FAM228B: variants seen among roughly 807,000 people sequenced by gnomAD.
FAM228B encodes the protein protein FAM228B.
FAM228B carries 38 observed loss-of-function variants against 42.6 expected under a neutral mutation model. The observed-to-expected ratio is 0.89, with a 90% confidence interval of 0.69 to 1.17. FAM228B has a LOEUF of 1.17. Ranked by LOEUF, FAM228B falls within the 50% of genes most tolerant of loss-of-function variation. The pLI, the probability that FAM228B is intolerant of heterozygous loss-of-function variation, is 0.00. For missense variants in FAM228B, 344 were observed against 367.3 expected (o/e 0.94, Z 0.52); for synonymous variants, 109 against 122.3 (o/e 0.89, Z 0.72).
intron 5 of FAM228B, among the ~76,000 whole-genome samples, chr2:24,145,131 G>A (rs936847220): frequency 1.3e-5 from 2 of 152,158 alleles, no homozygotes; most frequent in African/African-American, 4.8e-5. Context: ...GCCGACCGCA[G>A]CCACTGCATG....
intron 4 of FAM228B, 31 bp downstream of exon 4, chr2:24,138,131 G>T (rs1666650500): frequency 6.8e-7 from 1 of 1,463,296 alleles, no homozygotes; most frequent in Non-Finnish European, 9.2e-7. Context: ...GCTTTTTTCA[G>T]TTGATTTAGA....
chr2:24,123,794 T>C (rs1211354945), intron 1 of FAM228B, among the ~76,000 whole-genome samples: 1 of 151,300 alleles, frequency 6.6e-6, no homozygotes, highest in Non-Finnish European at 1.5e-5. Flanking sequence ...GCCTAGTGGG[T>C]GGGAGGAAGG....
intron 10 of FAM228B, among the ~76,000 whole-genome samples, chr2:24,168,504 G>A (rs962968460): frequency 2.0e-5 from 3 of 152,174 alleles, no homozygotes; most frequent in Non-Finnish European, 4.4e-5. Flanking sequence ...AGGCCTAACT[G>A]CTGATTTTCA....
At chr2:24,147,279 T>C (rs1666918992) in intron 7 of FAM228B, among the ~76,000 whole-genome samples, 193 bp downstream of exon 7, 1 of 152,100 alleles carries the variant, frequency 6.6e-6, no homozygotes, top group East Asian at 1.9e-4. Context: ...CTGTATGTGA[T>C]GTTTCTTTTT....
In FAM228B at chr2:24,155,529, A is replaced by ATT. The variant is rs1339609655; in HGVS notation, c.687-5976_687-5975insTT. Among the ~76,000 whole-genome samples the ATT allele has an allele frequency of 2.8e-3, 36 of 12,660 alleles. 1 individual carries two copies. The highest frequency in any genetic ancestry group is 6.8e-3 in the African/African-American group (33 of 4,854). The allele number at this position is 12,660 out of a possible 152,430, so 8.3% of individuals were successfully genotyped here. A position where few individuals can be genotyped will look rare whatever the true frequency, so the allele number is the denominator to read the frequency against. The stretch of plus-strand genomic sequence containing the variant: ...CATATATATATATATATATATATAT[A>ATT]TATTTTTTTTTTTTTTTTTTTTTTT... On this transcript the variant is annotated intron_variant, in intron 7 of 10. Transcript: ENST00000615575.
intron 3 of FAM228B, among the ~76,000 whole-genome samples, chr2:24,109,668 C>A (rs982427183): frequency 1.3e-5 from 2 of 152,070 alleles, no homozygotes; most frequent in Non-Finnish European, 2.9e-5. Context: ...TATATGCAGC[C>A]AAAAAGCATA....
chr2:24,141,479 C>T (rs1199490420), intron 5 of FAM228B, among the ~76,000 whole-genome samples: 4 of 152,074 alleles, frequency 2.6e-5, no homozygotes, highest in African/African-American at 9.7e-5. Flanking sequence ...CTCCTGACCT[C>T]GTGATCCACC....
In FAM228B at chr2:24,147,149, A is replaced by G; in HGVS notation, c.686+63A>G. ...GACTTTGAAAATTCTTCAGACTGAT[A>G]TAACATTTTTCATAGTTATGATTTT... On this transcript the variant is annotated intron_variant, in intron 7 of 10. Coordinates refer to ENST00000615575, the MANE Select transcript of FAM228B (RefSeq NM_001145710.2). 4.4e-6 allele frequency: 5 copies of G among 1,132,666 alleles called. No homozygotes were observed. The South Asian group carries it at 5.8e-5, about 13-fold the overall frequency. 70.2% of individuals were successfully genotyped at this position (1,132,666 alleles called of 1,614,324 possible). A position where few individuals can be genotyped will look rare whatever the true frequency, so the allele number is the denominator to read the frequency against.
At chr2:24,083,021 G>A in intron 2 of FAM228B, 1 of 1,614,142 alleles carries the variant, frequency 6.2e-7, no homozygotes, top group Non-Finnish European at 8.5e-7. Flanking sequence ...CCCCACCGGG[G>A]AGCAGAGCCA....
Position 24,151,434 on chromosome 2 carries a change from G to T in FAM228B, c.686+4348G>T, listed in dbSNP as rs1227663270. On this transcript the variant is annotated intron_variant, in intron 7 of 10. Transcript: ENST00000615575. Reference sequence around the variant, plus strand: ...GCCTCCTGAGTAGCTGGGACTACAGGCACCCACCACCACGTCCGGCTAATT... The same window carrying T: ...GCCTCCTGAGTAGCTGGGACTACAGTCACCCACCACCACGTCCGGCTAATT... 2.6e-5 allele frequency among the ~76,000 whole-genome samples: 4 copies of T among 151,366 alleles called. No individual in the cohort carries two copies. The East Asian group carries it at 7.8e-4, about 30-fold the overall frequency.
chr2:24,121,224 T>A, upstream of FAM228B: 1 of 1,614,224 alleles, frequency 6.2e-7, no homozygotes, highest in African/African-American at 1.3e-5. Flanking sequence ...TCCCTTGAAA[T>A]ACAGTCCTTC....
At chr2:24,164,055 C>CA (rs35664527) in intron 8 of FAM228B, 143 bp from the exon 9 acceptor site, 178,258 of 730,290 alleles carry the variant, frequency 0.24, 23,524 homozygotes, top group South Asian at 0.27. Context: ...TATTTTCACA[C>CA]AAAAAAAGTA....
intron 2 of FAM228B, chr2:24,082,828 C>A: frequency 3.3e-6 from 5 of 1,525,916 alleles, no homozygotes; most frequent in Non-Finnish European, 4.4e-6. Context: ...TTCAAGTTGG[C>A]TGATTTATGA....
intron 8 of FAM228B, among the ~76,000 whole-genome samples, chr2:24,162,534 C>T (rs1159858412): frequency 6.6e-6 from 1 of 152,144 alleles, no homozygotes; most frequent in Non-Finnish European, 1.5e-5. Context: ...AGATGTTAAA[C>T]ATTAAATTAT....
At chr2:24,139,534 G>T (rs774368142) in intron 5 of FAM228B, 84 bp downstream of exon 5, 3 of 691,940 alleles carry the variant, frequency 4.3e-6, no homozygotes, top group Non-Finnish European at 7.2e-6. Flanking sequence ...GTCCTTAAGC[G>T]ATTCCCTAAA....
chr2:24,113,099 G>A (rs756581168), intron 3 of FAM228B, among the ~76,000 whole-genome samples: 2 of 152,146 alleles, frequency 1.3e-5, no homozygotes, highest in Non-Finnish European at 2.9e-5. Context: ...TAAATTGTGA[G>A]CCTGTCTTGG....
At chr2:24,124,602 TG>T (rs1666257071) in intron 2 of FAM228B, 142 bp downstream of exon 2, 1 of 578,352 alleles carries the variant, frequency 1.7e-6, no homozygotes, top group African/African-American at 1.9e-5. Flanking sequence ...TTACTAACTT[TG>T]TATATTCACT....
At chr2:24,100,080 G>A (rs377420943) in intron 3 of FAM228B, among the ~76,000 whole-genome samples, 1 of 151,174 alleles carries the variant, frequency 6.6e-6, no homozygotes, top group East Asian at 1.9e-4. Flanking sequence ...AGAAAGCTGA[G>A]ACTGGATCCC....
At chr2:24,129,856 G>A (rs939972265) in intron 2 of FAM228B, among the ~76,000 whole-genome samples, 2 of 152,016 alleles carry the variant, frequency 1.3e-5, no homozygotes, top group Non-Finnish European at 2.9e-5. Context: ...AGGACGTGCA[G>A]GTTTGTTACA....
Sources: allele counts gnomAD v4.1 joint callset (sites outside exome capture counted in the v4.1 genomes callset), GRCh38; gene constraint gnomAD v4.1.1; transcripts MANE v1.5; gene names NCBI Gene and HGNC (gene_info 2026-07-23, HGNC 2026-07-21).